The following MS4A6E variants were observed in gnomAD, a reference collection of about 807,000 sequenced individuals.
The protein encoded by MS4A6E is membrane-spanning 4-domains subfamily A member 6E.
Under a neutral mutation model 13.2 loss-of-function variants are expected in MS4A6E, and 8 were observed. That is an observed-to-expected ratio of 0.60 (90% CI 0.35 to 1.09). The LOEUF (loss-of-function observed/expected upper bound fraction) is 1.09. MS4A6E is among the 50% of genes least tolerant of loss of function. MS4A6E has a pLI of 0.02. For synonymous variants in MS4A6E, 72 were observed against 67.6 expected (o/e 1.06, Z -0.32); for missense variants, 177 against 171.1 (o/e 1.03, Z -0.19).
downstream of MS4A6E, among the ~76,000 whole-genome samples, chr11:60,344,705 C>T (rs888069217): frequency 5.9e-4 from 90 of 152,084 alleles, 1 homozygote; most frequent in African/African-American, 2.1e-3. Flanking sequence ...ATGGAACCTT[C>T]CCAGATTAGA....
chr11:60,340,060 A>C (rs1233638485), intron 4 of MS4A6E, 96 bp downstream of exon 4: 1 of 1,561,426 alleles, frequency 6.4e-7, no homozygotes, highest in Admixed American at 1.7e-5. Flanking sequence ...AGGAACAATC[A>C]GTCAGTCATG....
intron 1 of MS4A6E, among the ~76,000 whole-genome samples, chr11:60,333,898 C>T (rs926027884): frequency 6.6e-6 from 1 of 152,134 alleles, no homozygotes; most frequent in Admixed American, 6.5e-5. Flanking sequence ...AACTTGGGAG[C>T]ACTTCAGGTG....
chr11:60,342,116 C>G (rs2135065766), downstream of MS4A6E, among the ~76,000 whole-genome samples: 1 of 147,300 alleles, frequency 6.8e-6, no homozygotes, highest in East Asian at 2.0e-4. Flanking sequence ...ATATCATCTT[C>G]TGCCTAAAAG....
chr11:60,342,326 G>C (rs1327493170), downstream of MS4A6E, among the ~76,000 whole-genome samples: 1 of 152,088 alleles, frequency 6.6e-6, no homozygotes, highest in Admixed American at 6.6e-5. Flanking sequence ...TCATTTGTCT[G>C]GGGTAATATC....
At chr11:60,338,994 A>G (rs964939479) in intron 3 of MS4A6E, among the ~76,000 whole-genome samples, 3 of 152,210 alleles carry the variant, frequency 2.0e-5, no homozygotes, top group Non-Finnish European at 4.4e-5. Context: ...TCATGATGGG[A>G]CGATTTTATA....
At chr11:60,328,177 A>G (rs1428155865) in intron 1 of MS4A6E, among the ~76,000 whole-genome samples, 1 of 152,218 alleles carries the variant, frequency 6.6e-6, no homozygotes, top group African/African-American at 2.4e-5. Context: ...TGAAATAAAT[A>G]TCTAAGTGAA....
intron 1 of MS4A6E, among the ~76,000 whole-genome samples, chr11:60,327,856 C>G (rs2085129728): frequency 6.6e-6 from 1 of 151,778 alleles, no homozygotes. Flanking sequence ...ATGGTGAAAC[C>G]TCGTCTCTAC....
intron 1 of MS4A6E, among the ~76,000 whole-genome samples, chr11:60,330,304 TTTAA>T (rs149208940): frequency 0.29 from 42,479 of 144,796 alleles, 7,803 homozygotes; most frequent in South Asian, 0.46. Context: ...AGCTCTTTTG[TTTAA>T]TTAGATCCCA....
chr11:60,332,463 C>T (rs746861693), intron 1 of MS4A6E, among the ~76,000 whole-genome samples: 1 of 152,204 alleles, frequency 6.6e-6, no homozygotes, highest in African/African-American at 2.4e-5. Context: ...GTTTTTGTTT[C>T]TCAGCTAGTC....
At chr11:60,348,357 G>A (rs752243218) in intron 4 of MS4A6E, among the ~76,000 whole-genome samples, 7 of 152,198 alleles carry the variant, frequency 4.6e-5, no homozygotes, top group Non-Finnish European at 8.8e-5. Context: ...ATGAAGGGTA[G>A]AAAGAGTACA....
chr11:60,348,797 T>C (rs892387707), intron 4 of MS4A6E, among the ~76,000 whole-genome samples: 4 of 152,256 alleles, frequency 2.6e-5, no homozygotes. Flanking sequence ...AGGAAGCCTG[T>C]CATCTGAGAC....
chr11:60,347,932 G>A (rs1398988570), intron 4 of MS4A6E, among the ~76,000 whole-genome samples: 1 of 152,090 alleles, frequency 6.6e-6, no homozygotes, highest in Non-Finnish European at 1.5e-5. Context: ...TAATGGGAGG[G>A]GTGTACTAGA....
Position 60,337,903 on chromosome 11 carries a change from TC to T in MS4A6E, c.311del (p.Ser104TyrfsTer20). The T allele has an allele frequency of 6.2e-7, 1 of 1,614,234 alleles. No homozygotes were observed. The highest frequency in any genetic ancestry group is 2.2e-5 in the East Asian group (1 of 44,896). On this transcript the variant is annotated frameshift_variant, in exon 3 of 5. Coordinates refer to ENST00000684409, the MANE Select transcript of MS4A6E (RefSeq NM_139249.4). LOFTEE classifies it high-confidence loss of function. Reference sequence around the variant, plus strand: ...ACTTCTTCTTTCTTATGATTATCATTCACCTTACACCATGGACTGCCATAGA... The same window carrying T: ...ACTTCTTCTTTCTTATGATTATCATTACCTTACACCATGGACTGCCATAGA... ...TRLLLSYDYH[S>X]PYTMDCHRAK...
downstream of MS4A6E, among the ~76,000 whole-genome samples, chr11:60,345,155 C>T (rs190431817): frequency 2.6e-5 from 4 of 152,092 alleles, no homozygotes; most frequent in Non-Finnish European, 4.4e-5. Flanking sequence ...AGGATGTTCT[C>T]GATCTCCTGA....
At chr11:60,335,064 T>C (rs1016125158) in intron 2 of MS4A6E, 22 bp downstream of exon 2, 2 of 1,613,374 alleles carry the variant, frequency 1.2e-6, no homozygotes, top group Non-Finnish European at 1.7e-6. Context: ...TCAGAACATG[T>C]TGGAGAGGGG....
At chr11:60,342,191 GA>G (rs2085231055), downstream of MS4A6E, among the ~76,000 whole-genome samples, 3 of 83,470 alleles carry the variant, frequency 3.6e-5, no homozygotes, top group South Asian at 4.4e-4. Flanking sequence ...GAGAGAGAGA[GA>G]GAGAGAGAGG....
At chr11:60,338,075 A>T in intron 3 of MS4A6E, 128 bp downstream of exon 3, 1 of 850,680 alleles carries the variant, frequency 1.2e-6, no homozygotes, top group Non-Finnish European at 1.8e-6. Context: ...GGCCAAGGTT[A>T]TGTAAATCAA....
chr11:60,335,374 C>T (rs1377684737), intron 2 of MS4A6E, among the ~76,000 whole-genome samples: 3 of 152,180 alleles, frequency 2.0e-5, no homozygotes, highest in Admixed American at 2.0e-4. Context: ...TATTTCACAA[C>T]TGCATGCTTA....
At chr11:60,328,117 C>T (rs1485708573) in intron 1 of MS4A6E, among the ~76,000 whole-genome samples, 1 of 151,228 alleles carries the variant, frequency 6.6e-6, no homozygotes, top group African/African-American at 2.4e-5. Context: ...GTCTATGTCC[C>T]AGGGTTTTGT....
Sources: gnomAD v4.1 joint callset for allele counts (sites outside exome capture counted in the v4.1 genomes callset) on GRCh38, gnomAD v4.1.1 for gene constraint, MANE v1.5 for transcripts, NCBI Gene and HGNC (gene_info 2026-07-23, HGNC 2026-07-21) for gene names.